The following SSBP3 variants were observed in gnomAD, a reference collection of about 807,000 sequenced individuals.
SSBP3 encodes single-stranded DNA-binding protein 3.
In SSBP3, 5 loss-of-function variants were observed where a neutral mutation model predicts 69.6. The observed-to-expected ratio is 0.07, with a 90% CI of 0.04 to 0.15. SSBP3 has a LOEUF of 0.15. Among genes scored for constraint, SSBP3 ranks in the 10% least tolerant of loss-of-function variants. The pLI, the probability that SSBP3 is intolerant of heterozygous loss-of-function variation, is 1.00. For missense variants in SSBP3, 312 were observed against 534.0 expected (o/e 0.58, Z 4.10); for synonymous variants, 196 against 193.4 (o/e 1.01, Z -0.11).
At chr1:54,333,241 T>A (rs1322990333) in intron 4 of SSBP3, among the ~76,000 whole-genome samples, 1 of 152,170 alleles carries the variant, frequency 6.6e-6, no homozygotes, top group Non-Finnish European at 1.5e-5. Context: ...CATAACCTCA[T>A]AGACTCTCGG....
intron 4 of SSBP3, among the ~76,000 whole-genome samples, chr1:54,367,136 G>T (rs1028337624): frequency 1.3e-5 from 2 of 152,162 alleles, no homozygotes; most frequent in East Asian, 1.9e-4. Context: ...AGTCTGAGCT[G>T]GTTTTTAAGG....
At chr1:54,389,783 CAGG>C (rs1201145675) in intron 4 of SSBP3, among the ~76,000 whole-genome samples, 1 of 151,908 alleles carries the variant, frequency 6.6e-6, no homozygotes, top group Non-Finnish European at 1.5e-5. Flanking sequence ...AAGGCTGAGC[CAGG>C]AGAATCACCT....
intron 4 of SSBP3, among the ~76,000 whole-genome samples, chr1:54,359,273 C>G (rs1396141112): frequency 1.3e-5 from 2 of 149,992 alleles, no homozygotes; most frequent in Non-Finnish European, 3.0e-5. Flanking sequence ...ATGGTAATAC[C>G]TGGAACACAG....
At chr1:54,368,619 TC>T (rs1183527913) in intron 4 of SSBP3, among the ~76,000 whole-genome samples, 1 of 152,164 alleles carries the variant, frequency 6.6e-6, no homozygotes, top group East Asian at 1.9e-4. Context: ...ATCCATCTAC[TC>T]CACTTCTGAG....
Position 54,240,277 on chromosome 1 carries a change from G to A in SSBP3, c.856+628C>T, listed in dbSNP as rs541500548. Among the ~76,000 whole-genome samples, 1,124 of 151,182 alleles carry A rather than the reference G, an allele frequency of 7.4e-3. 10 individuals carry two copies. The highest frequency in any genetic ancestry group is 0.026 in the African/African-American group (1,051 of 40,876). ...AGTTCAAGGCCAGCCTGGGTACATG[G>A]TGAAACCCCATCTCTACTAAAAATA... On this transcript the variant is annotated intron_variant, in intron 13 of 17. Coordinates refer to ENST00000610401, the Ensembl canonical transcript of SSBP3.
intron 4 of SSBP3, among the ~76,000 whole-genome samples, chr1:54,351,348 G>C (rs1399318205): frequency 6.6e-6 from 1 of 152,152 alleles, no homozygotes; most frequent in East Asian, 1.9e-4. Flanking sequence ...TAAAATGGCA[G>C]CAATTATACC....
chr1:54,315,032 G>A (rs1295495819), intron 4 of SSBP3, among the ~76,000 whole-genome samples: 2 of 152,092 alleles, frequency 1.3e-5, no homozygotes, highest in Admixed American at 6.6e-5. Context: ...GAAATTCCCC[G>A]CGTGTGATTC....
rs545354580 is a variant in SSBP3, at chr1:54,301,275, T to C, written c.277-19748A>G. Among the ~76,000 whole-genome samples, 7 of 152,308 alleles carry C rather than the reference T, an allele frequency of 4.6e-5. No homozygotes were observed. The South Asian group carries it at 1.5e-3, about 32-fold the overall frequency. On this transcript the variant is annotated intron_variant, in intron 4 of 17. Transcript: ENST00000610401. ...TTTGGCAGGAAGGAATTAATGCCCA[T>C]TCAGAATCTCATCAACAATAAAGCG...
At chr1:54,310,035 T>C (rs913824652) in intron 4 of SSBP3, among the ~76,000 whole-genome samples, 1 of 152,130 alleles carries the variant, frequency 6.6e-6, no homozygotes, top group African/African-American at 2.4e-5. Flanking sequence ...CTTCCAAGCC[T>C]TTGAATACCC....
At chr1:54,230,183 C>T (rs1644357664) in intron 14 of SSBP3, among the ~76,000 whole-genome samples, 1 of 152,148 alleles carries the variant, frequency 6.6e-6, no homozygotes, top group South Asian at 2.1e-4. Context: ...CCCGTGCCCA[C>T]CCAGACTGGG....
intron 4 of SSBP3, among the ~76,000 whole-genome samples, chr1:54,390,456 G>A (rs935039807): frequency 2.6e-5 from 4 of 152,142 alleles, no homozygotes; most frequent in Admixed American, 6.5e-5. Flanking sequence ...AGTATGTGGC[G>A]ACAGTCAACT....
chr1:54,328,681 T>C (rs4926630), intron 4 of SSBP3, among the ~76,000 whole-genome samples: 14,073 of 152,262 alleles, frequency 0.092, 1,634 homozygotes, highest in East Asian at 0.3. Context: ...GCTACAGCCA[T>C]GTTGCCAAGG....
chr1:54,278,449 A>G (rs1422597416), intron 5 of SSBP3, among the ~76,000 whole-genome samples: 1 of 152,126 alleles, frequency 6.6e-6, no homozygotes, highest in Non-Finnish European at 1.5e-5. Flanking sequence ...CCCGCCTTGG[A>G]AACCTGGACG....
rs1446673392 is a variant in SSBP3, at chr1:54,381,992, G to A, written c.276+19869C>T. Among the ~76,000 whole-genome samples the A allele has an allele frequency of 2.0e-5, 3 of 152,206 alleles. 1 individual carries two copies. Among genetic ancestry groups the A allele is most frequent in the South Asian group, 4.1e-4 (2 of 4,828 alleles). The stretch of plus-strand genomic sequence containing the variant: ...GTGGATCATCTGAAGTCAGGAGTTC[G>A]AGATCAGCCTGGCCAACATGGTGAA... On this transcript the variant is annotated intron_variant, in intron 4 of 17. Coordinates refer to ENST00000610401, the Ensembl canonical transcript of SSBP3.
rs368627007 is a variant in SSBP3, at chr1:54,311,767, G to A, written c.277-30240C>T. Among the ~76,000 whole-genome samples, 4 of 152,160 alleles carry A rather than the reference G, an allele frequency of 2.6e-5. No individual in the cohort carries two copies. In the East Asian group the frequency reaches 5.8e-4, roughly 22 times the overall value. On this transcript the variant is annotated intron_variant, in intron 4 of 17. Transcript: ENST00000610401. ...TCTAAGGTTTTTGGCTGGAGAATGAGCCAAACCATCATCACTATAAAAAAG... is the reference window on the plus strand; with the variant it reads ...TCTAAGGTTTTTGGCTGGAGAATGAACCAAACCATCATCACTATAAAAAAG...
chr1:54,262,310 G>A (rs996765979), intron 5 of SSBP3, among the ~76,000 whole-genome samples: 2 of 152,208 alleles, frequency 1.3e-5, no homozygotes, highest in African/African-American at 2.4e-5. Context: ...TAGCTATTAC[G>A]TGGTGGAGCC....
chr1:54,238,599 G>A (rs1340386945), intron 14 of SSBP3: 6 of 331,676 alleles, frequency 1.8e-5, no homozygotes, highest in South Asian at 8.4e-5. Flanking sequence ...ATGGGGAAAT[G>A]TGAGCTGCAA....
At chr1:54,274,284 T>A (rs1331724266) in intron 5 of SSBP3, among the ~76,000 whole-genome samples, 1 of 152,222 alleles carries the variant, frequency 6.6e-6, no homozygotes, top group Non-Finnish European at 1.5e-5. Flanking sequence ...CAGTTTCTCA[T>A]CTATACAGTG....
At chr1:54,269,359 G>A (rs1645154110) in intron 5 of SSBP3, among the ~76,000 whole-genome samples, 1 of 152,174 alleles carries the variant, frequency 6.6e-6, no homozygotes, top group African/African-American at 2.4e-5. Context: ...ACAGGGGCCA[G>A]GTCTCTTCTG....
Sources: gnomAD v4.1 joint callset for allele counts (sites outside exome capture counted in the v4.1 genomes callset) on GRCh38, gnomAD v4.1.1 for gene constraint, MANE v1.5 for transcripts, NCBI Gene and HGNC (gene_info 2026-07-23, HGNC 2026-07-21) for gene names.